Variants in SSBP2 observed in about 807,000 individuals in gnomAD.
SSBP2 encodes single-stranded DNA-binding protein 2.
SSBP2 carries 17 observed loss-of-function variants against 61.8 expected under a neutral mutation model. The observed-to-expected ratio is 0.28, with a 90% confidence interval of 0.19 to 0.41. The LOEUF is 0.41. SSBP2 is among the 10% of genes least tolerant of loss of function. SSBP2 has a pLI of 1.00. For synonymous variants in SSBP2, 139 were observed against 141.3 expected (o/e 0.98, Z 0.12); for missense variants, 310 against 458.7 (o/e 0.68, Z 2.96).
chr5:81,435,983 T>A (rs1762646303), intron 15 of SSBP2, among the ~76,000 whole-genome samples: 1 of 151,608 alleles, frequency 6.6e-6, no homozygotes, highest in South Asian at 2.1e-4. Context: ...GGGTCAGGAG[T>A]TCGAGACCAG....
rs1765030349 is a variant in SSBP2, at chr5:81,468,363, C to T, written c.571-1322G>A. On this transcript the variant is annotated intron_variant, in intron 8 of 16. Coordinates refer to ENST00000320672, the MANE Select transcript of SSBP2 (RefSeq NM_012446.5). ...TAATTGTTTCTCTGATTTAGTCTCT[C>T]CTGCTCCCAATCTATTCTCCAAACT... 3.3e-5 allele frequency among the ~76,000 whole-genome samples: 5 copies of T among 151,960 alleles called. No individual in the cohort carries two copies. The South Asian group carries it at 1.0e-3, about 31-fold the overall frequency.
chr5:81,510,012 T>C (rs1038892130), intron 5 of SSBP2, among the ~76,000 whole-genome samples: 2 of 152,242 alleles, frequency 1.3e-5, no homozygotes, highest in African/African-American at 4.8e-5. Context: ...GCATCTGTAA[T>C]GGGTTCTTCT....
chr5:81,668,112 C>T (rs1751299438), intron 1 of SSBP2, among the ~76,000 whole-genome samples: 1 of 151,956 alleles, frequency 6.6e-6, no homozygotes, highest in South Asian at 2.1e-4. Flanking sequence ...TGGGAGGACA[C>T]AGTGGGTATC....
intron 9 of SSBP2, among the ~76,000 whole-genome samples, chr5:81,466,011 T>A (rs1159930385): frequency 2.0e-5 from 3 of 152,008 alleles, no homozygotes; most frequent in African/African-American, 7.2e-5. Flanking sequence ...CCTGCATAGA[T>A]GAAAAGAGCT....
chr5:81,588,147 G>A (rs2973345), intron 4 of SSBP2, among the ~76,000 whole-genome samples: 36,405 of 151,790 alleles, frequency 0.24, 5,812 homozygotes, highest in East Asian at 0.69. Context: ...AAAAAAAATT[G>A]TAGAGATGAG....
chr5:81,465,434 A>T lies in SSBP2; in HGVS notation c.638+1540T>A, dbSNP rs530787319. Among the ~76,000 whole-genome samples the T allele has an allele frequency of 9.2e-5, 14 of 152,148 alleles. 1 individual carries two copies. In the South Asian group the frequency reaches 2.5e-3, roughly 27 times the overall value. ...TCTGGGAAAGAAACTAGACAATTGG[A>T]AGCAGTTATTTTAATCTCTCAATGG... On this transcript the variant is annotated intron_variant, in intron 9 of 16. Coordinates refer to ENST00000320672, the MANE Select transcript of SSBP2 (RefSeq NM_012446.5).
chr5:81,694,547 T>A (rs148336103), intron 1 of SSBP2, among the ~76,000 whole-genome samples: 1 of 152,174 alleles, frequency 6.6e-6, no homozygotes, highest in South Asian at 2.1e-4. Context: ...GAAGTTTTTT[T>A]TTTCTATCCA....
chr5:81,602,264 A>T (rs1295200026), intron 4 of SSBP2, among the ~76,000 whole-genome samples: 1 of 152,160 alleles, frequency 6.6e-6, no homozygotes, highest in Non-Finnish European at 1.5e-5. Flanking sequence ...GTCCAGACTG[A>T]TATAATTCTT....
intron 4 of SSBP2, among the ~76,000 whole-genome samples, chr5:81,599,471 C>G (rs897480243): frequency 6.6e-6 from 1 of 152,186 alleles, no homozygotes; most frequent in African/African-American, 2.4e-5. Context: ...GAATTCCTTG[C>G]AGCAATTTGC....
intron 4 of SSBP2, among the ~76,000 whole-genome samples, chr5:81,605,728 G>A (rs1744820160): frequency 6.6e-6 from 1 of 152,146 alleles, no homozygotes; most frequent in Admixed American, 6.6e-5. Context: ...TAACTTAGTA[G>A]TTTGAATGAA....
At chr5:81,558,085 T>C (rs1270475907) in intron 4 of SSBP2, among the ~76,000 whole-genome samples, 1 of 152,180 alleles carries the variant, frequency 6.6e-6, no homozygotes, top group African/African-American at 2.4e-5. Flanking sequence ...CTTCTAAGTA[T>C]ACTATCCAAT....
chr5:81,514,597 T>C (rs1016988827), intron 4 of SSBP2, among the ~76,000 whole-genome samples: 9 of 152,042 alleles, frequency 5.9e-5, no homozygotes, highest in African/African-American at 1.9e-4. Flanking sequence ...ATGCTGAAGA[T>C]AGATCAGTTT....
Position 81,667,286 on chromosome 5 carries a change from TACACACACACACACAC to T in SSBP2, c.63-16963_63-16948del, listed in dbSNP as rs71605804. Among the ~76,000 whole-genome samples the T allele has an allele frequency of 1.1e-3, 153 of 133,820 alleles. No individual in the cohort carries two copies. In the South Asian group the frequency reaches 0.012, roughly 11 times the overall value. 87.8% of individuals were successfully genotyped at this position (133,820 alleles called of 152,430 possible). ...GAGTACCAGACAGAAGGGATACAGA[TACACACACACACACAC>T]ACACACACACACACACACACACACA... On this transcript the variant is annotated intron_variant, in intron 1 of 16. Coordinates refer to ENST00000320672, the MANE Select transcript of SSBP2 (RefSeq NM_012446.5).
chr5:81,676,156 G>C (rs910101437), intron 1 of SSBP2, among the ~76,000 whole-genome samples: 2 of 152,120 alleles, frequency 1.3e-5, no homozygotes, highest in African/African-American at 2.4e-5. Flanking sequence ...CCAAAAACCT[G>C]ACAGTTACGC....
chr5:81,729,708 A>AT (rs201040296), intron 1 of SSBP2, among the ~76,000 whole-genome samples: 1,839 of 152,166 alleles, frequency 0.012, 45 homozygotes, highest in African/African-American at 0.042. Flanking sequence ...AGGACAGCAT[A>AT]TTTTTGCTTT....
chr5:81,565,025 T>C (rs1315462578), intron 4 of SSBP2, among the ~76,000 whole-genome samples: 1 of 152,260 alleles, frequency 6.6e-6, no homozygotes, highest in East Asian at 1.9e-4. Context: ...CATTGAAGTA[T>C]TCTTTGCAAG....
intron 4 of SSBP2, among the ~76,000 whole-genome samples, chr5:81,595,799 T>C (rs1254369558): frequency 6.6e-6 from 1 of 152,304 alleles, no homozygotes; most frequent in East Asian, 1.9e-4. Flanking sequence ...CAACACTTCA[T>C]GCTAAAAATT....
chr5:81,534,386 G>A (rs917608019), intron 4 of SSBP2, among the ~76,000 whole-genome samples: 8 of 152,128 alleles, frequency 5.3e-5, no homozygotes, highest in Non-Finnish European at 1.2e-4. Context: ...ATCAGACTCA[G>A]ATAAGGGAGC....
chr5:81,626,793 G>A (rs1747206685), intron 3 of SSBP2, among the ~76,000 whole-genome samples: 1 of 152,148 alleles, frequency 6.6e-6, no homozygotes, highest in Non-Finnish European at 1.5e-5. Context: ...CCTGGAATTA[G>A]CCACTCACAA....
Sources: allele counts gnomAD v4.1 joint callset (sites outside exome capture counted in the v4.1 genomes callset), GRCh38; gene constraint gnomAD v4.1.1; transcripts MANE v1.5; gene names NCBI Gene and HGNC (gene_info 2026-07-23, HGNC 2026-07-21).